CTNNBL1: variants seen among roughly 807,000 people sequenced by gnomAD.
The protein encoded by CTNNBL1 is catenin beta like 1.
In CTNNBL1, 31 loss-of-function variants were observed where a neutral mutation model predicts 72.7. The ratio of observed to expected loss-of-function variants is 0.43; its 90% CI spans 0.32 to 0.58. CTNNBL1 has a LOEUF of 0.58. CTNNBL1 is among the 20% of genes least tolerant of loss of function. The pLI is 0.08. For synonymous variants in CTNNBL1, 240 were observed against 267.3 expected (o/e 0.90, Z 1.00); for missense variants, 534 against 725.1 (o/e 0.74, Z 3.03).
intron 7 of CTNNBL1, among the ~76,000 whole-genome samples, chr20:37,770,252 A>G (rs991809834): frequency 6.6e-6 from 1 of 152,126 alleles, no homozygotes; most frequent in Non-Finnish European, 1.5e-5. Flanking sequence ...ACATCTCTCT[A>G]AACTCCGTTT....
intron 6 of CTNNBL1, among the ~76,000 whole-genome samples, chr20:37,766,831 C>T (rs537745635): frequency 5.9e-5 from 9 of 152,186 alleles, no homozygotes; most frequent in South Asian, 4.2e-4. Context: ...GGATTTTGTT[C>T]GAGTGAACAA....
intron 10 of CTNNBL1, among the ~76,000 whole-genome samples, chr20:37,801,061 A>G (rs1401237066): frequency 6.6e-6 from 1 of 152,190 alleles, no homozygotes; most frequent in Non-Finnish European, 1.5e-5. Flanking sequence ...GACACTAACC[A>G]TTATCAGGTA....
chr20:37,776,450 CTT>C (rs199761973), intron 7 of CTNNBL1, among the ~76,000 whole-genome samples: 1,822 of 152,272 alleles, frequency 0.012, 19 homozygotes, highest in Middle Eastern at 0.024. Context: ...TACAGAAATT[CTT>C]TGTCATTTCA....
At position 37,726,903 on chromosome 20, in the gene CTNNBL1, A is replaced by G. The variant is rs139359413; in HGVS notation, c.31-5976A>G. 4.2e-3 allele frequency among the ~76,000 whole-genome samples: 646 copies of G among 152,294 alleles called. 2 individuals carry two copies. The highest frequency in any genetic ancestry group is 0.014 in the African/African-American group (600 of 41,540). ...TGTGTTTTCATAATTTATCATAATG[A>G]TACCATTATTGCTCATTATAGAAGT... is the stretch of plus-strand genomic sequence containing the variant. On this transcript the variant is annotated intron_variant, in intron 1 of 15. Coordinates refer to ENST00000361383, the MANE Select transcript of CTNNBL1 (RefSeq NM_030877.5).
At chr20:37,862,591 A>G (rs2072500292) in intron 15 of CTNNBL1, among the ~76,000 whole-genome samples, 1 of 152,112 alleles carries the variant, frequency 6.6e-6, no homozygotes, top group South Asian at 2.1e-4. Flanking sequence ...TACTGAGTGG[A>G]TGATTGTTGA....
chr20:37,809,392 A>T (rs2071989751), intron 11 of CTNNBL1, among the ~76,000 whole-genome samples: 1 of 152,208 alleles, frequency 6.6e-6, no homozygotes, highest in Non-Finnish European at 1.5e-5. Flanking sequence ...TATATTCAGC[A>T]TCTGTAGGAG....
intron 1 of CTNNBL1, among the ~76,000 whole-genome samples, chr20:37,718,673 A>G (rs2073015148): frequency 6.6e-6 from 1 of 152,202 alleles, no homozygotes; most frequent in Non-Finnish European, 1.5e-5. Flanking sequence ...GGAATTTCTT[A>G]CTGAAATCTC....
chr20:37,713,519 G>A (rs80129464), intron 1 of CTNNBL1, among the ~76,000 whole-genome samples: 1 of 152,152 alleles, frequency 6.6e-6, no homozygotes, highest in Non-Finnish European at 1.5e-5. Context: ...ACCTCTGACC[G>A]TGTGAACTTT....
At chr20:37,840,288 G>T (rs2072292911) in intron 12 of CTNNBL1, 89 bp downstream of exon 12, 4 of 959,644 alleles carry the variant, frequency 4.2e-6, no homozygotes, top group Non-Finnish European at 6.5e-6. Context: ...GGGTTGAGTG[G>T]TCCTACCCTA....
chr20:37,780,353 T>G (rs565756024), intron 10 of CTNNBL1, among the ~76,000 whole-genome samples: 12 of 152,290 alleles, frequency 7.9e-5, no homozygotes, highest in Admixed American at 7.8e-4. Flanking sequence ...TGTTAAGTAC[T>G]GGGCATACAC....
chr20:37,704,020 A>C (rs113042508), intron 1 of CTNNBL1, among the ~76,000 whole-genome samples: 2 of 151,786 alleles, frequency 1.3e-5, no homozygotes, highest in Non-Finnish European at 2.9e-5. Flanking sequence ...CAGGTGATCC[A>C]CCTGTCTCGA....
intron 10 of CTNNBL1, among the ~76,000 whole-genome samples, chr20:37,784,260 C>T (rs2073652501): frequency 6.6e-6 from 1 of 152,056 alleles, no homozygotes; most frequent in Non-Finnish European, 1.5e-5. Flanking sequence ...AAGTGTGTTT[C>T]TTGTAGGCAA....
At chr20:37,712,308 A>G (rs924324195) in intron 1 of CTNNBL1, among the ~76,000 whole-genome samples, 4 of 152,244 alleles carry the variant, frequency 2.6e-5, no homozygotes, top group African/African-American at 4.8e-5. Flanking sequence ...CCTGAGGACA[A>G]TGCAGCTGAC....
At chr20:37,779,846 A>G (rs2073610726) in intron 10 of CTNNBL1, among the ~76,000 whole-genome samples, 1 of 152,154 alleles carries the variant, frequency 6.6e-6, no homozygotes. Context: ...ACTTTTATTT[A>G]TAGTACTTTC....
chr20:37,789,683 A>C (rs2073707568), intron 10 of CTNNBL1, among the ~76,000 whole-genome samples: 1 of 152,244 alleles, frequency 6.6e-6, no homozygotes, highest in Admixed American at 6.5e-5. Context: ...CCAATATATC[A>C]GGTTTAATTA....
At chr20:37,825,948 AG>A (rs1159909252) in intron 11 of CTNNBL1, among the ~76,000 whole-genome samples, 5 of 152,244 alleles carry the variant, frequency 3.3e-5, no homozygotes, top group Admixed American at 2.6e-4. Context: ...AGGAAACTAC[AG>A]GCTGGAGTCT....
At position 37,785,807 on chromosome 20, in the gene CTNNBL1, G is replaced by A. The variant is rs115294878; in HGVS notation, c.1031+6472G>A. 7.8e-3 allele frequency among the ~76,000 whole-genome samples: 1,186 copies of A among 152,272 alleles called. 16 individuals carry two copies. Among genetic ancestry groups the A allele is most frequent in the African/African-American group, 0.027 (1,118 of 41,548 alleles). On this transcript the variant is annotated intron_variant, in intron 10 of 15. Coordinates refer to ENST00000361383, the MANE Select transcript of CTNNBL1 (RefSeq NM_030877.5). ...ACGGTCTTGATGCTTATGGATCTTTGTCGGTGTCTGGGCATTGAAGAGTTA... is the reference window on the plus strand; with the variant it reads ...ACGGTCTTGATGCTTATGGATCTTTATCGGTGTCTGGGCATTGAAGAGTTA...
chr20:37,724,716 A>G (rs1600445933), intron 1 of CTNNBL1, among the ~76,000 whole-genome samples: 1 of 152,328 alleles, frequency 6.6e-6, no homozygotes, highest in East Asian at 1.9e-4. Flanking sequence ...CCAGATGTAC[A>G]CAAGCATTTT....
chr20:37,840,107 G>A lies in CTNNBL1; in HGVS notation c.1219G>A (p.Val407Ile). ...GTTEKEHEEH[V>I]CSILASLLRN... Reference sequence around the variant, plus strand: ...TTTTCTCTTTCCCAACCCAGAGCATGTCTGTTCGATCCTGGCTTCCCTCCT... The same window carrying A: ...TTTTCTCTTTCCCAACCCAGAGCATATCTGTTCGATCCTGGCTTCCCTCCT... Residue 407 changes from valine (V) to isoleucine (I), a missense_variant, in exon 12 of 16, where the codon GTC becomes ATC. Transcript: ENST00000361383. The A allele has an allele frequency of 6.2e-7, 1 of 1,613,134 alleles. No individual in the cohort carries two copies. Among genetic ancestry groups the A allele is most frequent in the South Asian group, 1.1e-5 (1 of 91,042 alleles).
Sources: gnomAD v4.1 joint callset for allele counts (sites outside exome capture counted in the v4.1 genomes callset) on GRCh38, gnomAD v4.1.1 for gene constraint, MANE v1.5 for transcripts, NCBI Gene and HGNC (gene_info 2026-07-23, HGNC 2026-07-21) for gene names.